The following TEP1 variants were observed in gnomAD, a reference collection of about 807,000 sequenced individuals.
The protein encoded by TEP1 is telomerase associated protein 1, also known as telomerase protein component 1.
In TEP1, 241 loss-of-function variants were observed where a neutral mutation model predicts 306.3. The ratio of observed to expected loss-of-function variants is 0.79; its 90% CI spans 0.71 to 0.88. The LOEUF (loss-of-function observed/expected upper bound fraction) is 0.88. TEP1 is among the 40% of genes least tolerant of loss of function. TEP1 has a pLI of 0.00. For synonymous variants in TEP1, 1,289 were observed against 1,305.5 expected, an observed-to-expected ratio of 0.99 and a Z score of 0.27; for missense variants, 3,051 against 3,276.1, an observed-to-expected ratio of 0.93 and a Z score of 1.68.
In TEP1 at chr14:20,373,487, TG is replaced by T. The variant is rs746642603; in HGVS notation, c.6681+19del. 76 of 1,614,106 alleles carry T rather than the reference TG, an allele frequency of 4.7e-5. No homozygotes were observed. Among genetic ancestry groups the T allele is most frequent in the Non-Finnish European group, 6.2e-5 (73 of 1,180,026 alleles). ...ATACCTTCCCCACCTCCCTTGACTC[TG>T]GTCCTTGCAGGAACTCACCAAGAGT... On this transcript the variant is annotated intron_variant, in intron 46 of 54. Transcript: ENST00000262715.
intron 27 of TEP1, 123 bp from the exon 28 acceptor site, chr14:20,382,838 C>T: frequency 1.2e-6 from 1 of 853,240 alleles, no homozygotes; most frequent in Non-Finnish European, 1.9e-6. Context: ...ACGCCAGGTC[C>T]ATGGCATCAT....
rs72671282 is a variant in TEP1 at position 20,383,654 on chromosome 14, G to C, written c.3711-10C>G. ...CTCCCACACCAGGCTTCTGTACATGGAGAGGAAGTCAGGGTCAGTGGGAGA... is the reference window on the plus strand; with the variant it reads ...CTCCCACACCAGGCTTCTGTACATGCAGAGGAAGTCAGGGTCAGTGGGAGA... On this transcript the variant is annotated splice_polypyrimidine_tract_variant and intron_variant, in intron 25 of 54. Transcript: ENST00000262715. The C allele has an allele frequency of 0.016, 26,121 of 1,612,346 alleles. 268 individuals carry two copies. The highest frequency in any genetic ancestry group is 0.019 in the Non-Finnish European group (22,498 of 1,179,462).
chr14:20,408,540 C>T, intron 1 of TEP1, 77 bp from the exon 2 acceptor site: 2 of 1,144,552 alleles, frequency 1.7e-6, no homozygotes, highest in Non-Finnish European at 2.4e-6. Flanking sequence ...ATCTTCCCCA[C>T]AGCCCTCCTG....
In TEP1 at chr14:20,389,293, T is replaced by C; in HGVS notation, c.2470A>G (p.Thr824Ala). ...GTCACATCATTGGGATTCAAATCTG[T>C]TGACCTGGCAAAGGAAGAAGCAGTC... is the stretch of plus-strand genomic sequence containing the variant. ...ILLRRVQYLS[T>A]DLNPNDVTLS... Residue 824 changes from threonine (T) to alanine (A), a missense_variant, in exon 17 of 55, where the codon ACA (threonine) becomes GCA (alanine). Physicochemically the swap from Thr to Ala is moderately conservative, Grantham distance 58 (BLOSUM62 0). This residue lies in a region of TEP1 where 1,507 missense variants were observed against 1,550.5 expected (regional missense o/e 0.97). Transcript: ENST00000262715. 6.2e-7 allele frequency: 1 copy of C among 1,614,206 alleles called. No homozygotes were observed. Among genetic ancestry groups the C allele is most frequent in the Non-Finnish European group, 8.5e-7 (1 of 1,180,036 alleles).
chr14:20,382,364 G>T lies in TEP1; in HGVS notation c.4141-8C>A. On this transcript the variant is annotated splice_polypyrimidine_tract_variant and splice_region_variant and intron_variant, in intron 28 of 54. Coordinates refer to ENST00000262715, the MANE Select transcript of TEP1 (RefSeq NM_007110.5). Reference sequence around the variant, plus strand: ...CCGGAGTCTCTCAGACACCTAGGATGGCGGGAGGACAGCCTTGTTCAGTGC... The same window carrying T: ...CCGGAGTCTCTCAGACACCTAGGATTGCGGGAGGACAGCCTTGTTCAGTGC... 6.2e-7 allele frequency: 1 copy of T among 1,602,802 alleles called. No individual in the cohort carries two copies. The highest frequency in any genetic ancestry group is 8.5e-7 in the Non-Finnish European group (1 of 1,174,436).
At chr14:20,382,892 C>T (rs1285724360) in intron 27 of TEP1, among the ~76,000 whole-genome samples, 177 bp from the exon 28 acceptor site, 4 of 152,196 alleles carry the variant, frequency 2.6e-5, no homozygotes, top group African/African-American at 9.7e-5. Context: ...TCTGCCCAGC[C>T]AGCCCTGCCA....
rs1884971569 is a variant in TEP1, at chr14:20,373,345, A to C, written c.6739T>G (p.Ser2247Ala). ...HSGPVRAAAV[S>A]ETSGLMLTAS... ...GTCAGCATGAGGCCTGAGGTTTCTG[A>C]AACAGCAGCAGCACGGACTGGGCCG... Residue 2247 changes from serine to alanine, a missense_variant, in exon 47 of 55, where the codon TCA (serine) becomes GCA (alanine). By Grantham distance (99) the Ser-to-Ala change is moderately conservative. Coordinates refer to ENST00000262715, the MANE Select transcript of TEP1 (RefSeq NM_007110.5). 6.2e-7 allele frequency: 1 copy of C among 1,614,088 alleles called. No individual in the cohort carries two copies. Among genetic ancestry groups the C allele is most frequent in the Admixed American group, 1.7e-5 (1 of 59,996 alleles).
At chr14:20,390,643 T>A (rs1417236475) in intron 15 of TEP1, 38 bp downstream of exon 15, 1 of 1,588,880 alleles carries the variant, frequency 6.3e-7, no homozygotes, top group Admixed American at 1.7e-5. Flanking sequence ...GAGGAAAATG[T>A]GGGGGAGGGA....
chr14:20,385,179 C>A, intron 20 of TEP1, 70 bp from the exon 21 acceptor site: 2 of 1,584,004 alleles, frequency 1.3e-6, no homozygotes, highest in Non-Finnish European at 1.7e-6. Context: ...CCTGCCAAGG[C>A]CCCAGGACTC....
At chr14:20,397,962 A>T (rs1482366803) in intron 9 of TEP1, among the ~76,000 whole-genome samples, 7 of 151,902 alleles carry the variant, frequency 4.6e-5, no homozygotes, top group African/African-American at 1.4e-4. Context: ...CATGTTGGCC[A>T]GGCTGGTCTC....
At chr14:20,392,542 T>C (rs906675238) in intron 12 of TEP1, among the ~76,000 whole-genome samples, 6 of 152,202 alleles carry the variant, frequency 3.9e-5, no homozygotes, top group Non-Finnish European at 2.9e-5. Flanking sequence ...ATCCAGAATA[T>C]GGGATATTCT....
Position 20,372,822 on chromosome 14 carries a change from C to T in TEP1, c.6987G>A (p.Ser2329=), listed in dbSNP as rs777840205. 1.4e-5 allele frequency: 23 copies of T among 1,614,002 alleles called. No homozygotes were observed. Among genetic ancestry groups the T allele is most frequent in the Non-Finnish European group, 1.9e-5 (23 of 1,180,038 alleles). Residue 2329 remains serine (S), a synonymous_variant, in exon 49 of 55, where the codon TCG becomes TCA. Transcript: ENST00000262715. ...PGHIGALIWS[S]AHTFFVLSAD... ...CACTGAGGACAAAAAAGGTGTGTGC[C>T]GAGGACCAGATCAGAGCACCAATGT...
At chr14:20,409,073 C>T (rs750641641) in intron 1 of TEP1, among the ~76,000 whole-genome samples, 5 of 152,166 alleles carry the variant, frequency 3.3e-5, no homozygotes, top group Non-Finnish European at 7.4e-5. Context: ...CACTCTTTAA[C>T]CAACTAAATG....
rs777150056 is a variant in TEP1, at chr14:20,380,927, T to C, written c.4762+4A>G. On this transcript the variant is annotated splice_donor_region_variant and intron_variant, in intron 33 of 54. Transcript: ENST00000262715. Reference sequence around the variant, plus strand: ...AGAAGAACCCAGCCAGTGACTCATCTCACCATAGAGGGCATGGGCCTCCAA... The same window carrying C: ...AGAAGAACCCAGCCAGTGACTCATCCCACCATAGAGGGCATGGGCCTCCAA... 6.2e-7 allele frequency: 1 copy of C among 1,612,942 alleles called. No homozygotes were observed. The highest frequency in any genetic ancestry group is 8.5e-7 in the Non-Finnish European group (1 of 1,179,068).
Position 20,390,467 on chromosome 14 carries a change from T to G in TEP1, c.2334+214A>C, listed in dbSNP as rs183061887. Among the ~76,000 whole-genome samples the G allele has an allele frequency of 4.6e-5, 7 of 152,306 alleles. No homozygotes were observed. The East Asian group carries it at 1.3e-3, about 29-fold the overall frequency. On this transcript the variant is annotated intron_variant, in intron 15 of 54. Coordinates refer to ENST00000262715, the MANE Select transcript of TEP1 (RefSeq NM_007110.5). The stretch of plus-strand genomic sequence containing the variant: ...GTAGGACTGTTTACACCATGGAAAT[T>G]TAGCAGATGCTACTAACCAAGGCTT...
At position 20,373,110 on chromosome 14, in the gene TEP1, A is replaced by C; in HGVS notation, c.6852T>G (p.Thr2284=). The part of the protein sequence containing the change: ...TCIPRSSAAV[T]AVAWAPDGSM... ...AACCATCTGGTGCCCAAGCCACAGC[A>C]GTGACGGCTGCAGAACTCCTTGGTA... Residue 2284 remains threonine (T), a synonymous_variant, in exon 48 of 55, where the codon ACT becomes ACG. Coordinates refer to ENST00000262715, the MANE Select transcript of TEP1 (RefSeq NM_007110.5). 1 of 1,614,256 alleles carries C rather than the reference A, an allele frequency of 6.2e-7. No homozygotes were observed. Among genetic ancestry groups the C allele is most frequent in the Non-Finnish European group, 8.5e-7 (1 of 1,180,050 alleles).
At chr14:20,396,848 CCCAGGAATTAGAGT>C in intron 9 of TEP1, 118 bp from the exon 10 acceptor site, 1 of 624,510 alleles carries the variant, frequency 1.6e-6, no homozygotes, top group Non-Finnish European at 2.7e-6. Flanking sequence ...GAGCCCAGAA[CCCAGGAATTAGAGT>C]CCAGCCTGGG....
rs1271345622 is a variant in TEP1, at chr14:20,382,257, G to A, written c.4240C>T (p.Gln1414Ter). 3.1e-6 allele frequency: 5 copies of A among 1,614,052 alleles called. No homozygotes were observed. The highest frequency in any genetic ancestry group is 1.7e-5 in the Admixed American group (1 of 59,998). ...GTGACTTCTAGGGCAGTCAAGGCCT[G>A]GGGAAGGACATCAGGCCCGTGCTCC... ...EKEHGPDVLP[Q>*]ALTALEVTRS... Residue 1414 changes from glutamine to a stop codon, truncating the protein, a stop_gained, in exon 29 of 55, where the codon CAG becomes TAG. Transcript: ENST00000262715. LOFTEE classifies it high-confidence loss of function.
At chr14:20,402,135 G>A (rs760440928) in intron 7 of TEP1, among the ~76,000 whole-genome samples, 10 of 151,834 alleles carry the variant, frequency 6.6e-5, no homozygotes, top group Admixed American at 3.9e-4. Context: ...GTGAAACCCC[G>A]TCTCTACTAA....
Sources: gnomAD v4.1 joint callset for allele counts (sites outside exome capture counted in the v4.1 genomes callset) on GRCh38, gnomAD v4.1.1 for gene constraint, gnomAD v4.1.1 regional missense constraint, MANE v1.5 for transcripts, NCBI Gene and HGNC (gene_info 2026-07-23, HGNC 2026-07-21) for gene names.